AK5: variants seen among roughly 807,000 people sequenced by gnomAD.
The protein encoded by AK5 is adenylate kinase isoenzyme 5.
A neutral mutation model predicts 69.5 loss-of-function variants in AK5; 27 were observed. That is an observed-to-expected ratio of 0.39 (90% CI 0.29 to 0.54). The LOEUF (loss-of-function observed/expected upper bound fraction) is 0.54, where lower values mean the gene tolerates loss of function less well. AK5 is among the 20% of genes least tolerant of loss of function. AK5 has a pLI of 0.71. For missense variants in AK5, 531 were observed against 700.4 expected (o/e 0.76, Z 2.73); for synonymous variants, 260 against 244.4 (o/e 1.06, Z -0.60).
At chr1:77,360,642 TGTTTG>T (rs74986889) in intron 6 of AK5, among the ~76,000 whole-genome samples, 6,389 of 152,228 alleles carry the variant, frequency 0.042, 192 homozygotes, top group South Asian at 0.089. Context: ...TTTGTGTGCT[TGTTTG>T]GTTTGGTTTT....
chr1:77,457,073 G>C (rs933294149), intron 8 of AK5, among the ~76,000 whole-genome samples: 1 of 152,134 alleles, frequency 6.6e-6, no homozygotes, highest in African/African-American at 2.4e-5. Flanking sequence ...TTGAGCCACT[G>C]TCTTCTGCCT....
chr1:77,481,981 G>A (rs1473316669), intron 8 of AK5, among the ~76,000 whole-genome samples: 1 of 152,152 alleles, frequency 6.6e-6, no homozygotes, highest in Non-Finnish European at 1.5e-5. Context: ...TTGGTACTGA[G>A]AACATTCTGT....
At chr1:77,305,681 A>G (rs915851750) in intron 5 of AK5, among the ~76,000 whole-genome samples, 2 of 152,054 alleles carry the variant, frequency 1.3e-5, no homozygotes, top group South Asian at 2.1e-4. Context: ...TGGGTTCTCT[A>G]TTGTGTTTGA....
chr1:77,294,441 A>AT (rs375937380), intron 3 of AK5, among the ~76,000 whole-genome samples: 4 of 152,002 alleles, frequency 2.6e-5, no homozygotes, highest in African/African-American at 9.7e-5. Flanking sequence ...ACATGATGTG[A>AT]TTTTTCCCCC....
chr1:77,463,881 AC>A (rs1300343576), intron 8 of AK5, among the ~76,000 whole-genome samples: 1 of 152,118 alleles, frequency 6.6e-6, no homozygotes, highest in Non-Finnish European at 1.5e-5. Context: ...TCATCCAATC[AC>A]CTGTGGTCAG....
intron 8 of AK5, among the ~76,000 whole-genome samples, chr1:77,473,425 G>A (rs562221763): frequency 2.6e-5 from 4 of 151,752 alleles, no homozygotes; most frequent in South Asian, 2.1e-4. Context: ...CCTCCTACAC[G>A]GTCTAAGAAT....
intron 10 of AK5, among the ~76,000 whole-genome samples, chr1:77,515,723 C>G (rs529130370): frequency 6.6e-6 from 1 of 152,200 alleles, no homozygotes; most frequent in South Asian, 2.1e-4. Flanking sequence ...TGATCTGGAC[C>G]TAAGGGCTGA....
intron 6 of AK5, among the ~76,000 whole-genome samples, chr1:77,392,162 A>T (rs1648529402): frequency 6.6e-6 from 1 of 152,230 alleles, no homozygotes; most frequent in African/African-American, 2.4e-5. Context: ...TAAATTGATT[A>T]TGTTTAGGCC....
intron 10 of AK5, among the ~76,000 whole-genome samples, chr1:77,498,687 G>A (rs1656512070): frequency 6.6e-6 from 1 of 152,198 alleles, no homozygotes; most frequent in African/African-American, 2.4e-5. Context: ...GTCACTGTAG[G>A]TACTCTATGC....
intron 6 of AK5, among the ~76,000 whole-genome samples, chr1:77,387,860 CA>C (rs942615893): frequency 7.9e-5 from 12 of 152,168 alleles, no homozygotes; most frequent in Non-Finnish European, 1.2e-4. Flanking sequence ...ATTTGAAAAG[CA>C]AATAATCATC....
chr1:77,352,886 T>A (rs1662286633), intron 6 of AK5, among the ~76,000 whole-genome samples: 1 of 152,204 alleles, frequency 6.6e-6, no homozygotes, highest in South Asian at 2.1e-4. Flanking sequence ...AGTCTTAAGT[T>A]TCATTTTTTC....
chr1:77,527,798 G>A (rs755606386), intron 12 of AK5, among the ~76,000 whole-genome samples: 8 of 152,168 alleles, frequency 5.3e-5, no homozygotes, highest in Non-Finnish European at 1.0e-4. Flanking sequence ...GGTGGCTCAC[G>A]CCTGTAATCC....
chr1:77,361,736 G>A (rs1259638377), intron 6 of AK5, among the ~76,000 whole-genome samples: 1 of 152,152 alleles, frequency 6.6e-6, no homozygotes, highest in Non-Finnish European at 1.5e-5. Flanking sequence ...ATGACAGCAA[G>A]CAAAGAGAGC....
chr1:77,412,142 G>A (rs1019145636), intron 7 of AK5, among the ~76,000 whole-genome samples: 4 of 152,184 alleles, frequency 2.6e-5, no homozygotes, highest in Non-Finnish European at 5.9e-5. Context: ...AATACAGTGG[G>A]ATGGAGGGGC....
In AK5 at chr1:77,522,194, T is replaced by G. The variant is rs574425294; in HGVS notation, c.1428+251T>G. On this transcript the variant is annotated intron_variant, in intron 12 of 13. Coordinates refer to ENST00000354567, the MANE Select transcript of AK5 (RefSeq NM_174858.3). ...CATCAATTGTCTGACTCTCTCTCTCTCTCTCTAATTCTCTTTCCTTTGTGT... is the reference window on the plus strand; with the variant it reads ...CATCAATTGTCTGACTCTCTCTCTCGCTCTCTAATTCTCTTTCCTTTGTGT... 3.3e-5 allele frequency among the ~76,000 whole-genome samples: 5 copies of G among 152,286 alleles called. No homozygotes were observed. In the South Asian group the frequency reaches 8.3e-4, roughly 25 times the overall value.
intron 6 of AK5, among the ~76,000 whole-genome samples, chr1:77,368,667 CA>C (rs1307466705): frequency 6.6e-6 from 1 of 152,048 alleles, no homozygotes; most frequent in East Asian, 1.9e-4. Flanking sequence ...AGCTAAGCAG[CA>C]CAGTAGCATC....
intron 6 of AK5, chr1:77,340,861 G>A (rs1019694521): frequency 7.7e-6 from 2 of 260,034 alleles, no homozygotes; most frequent in African/African-American, 2.2e-5. Context: ...AACTGTCTGG[G>A]TGATTGTAAG....
At chr1:77,401,658 C>T (rs1046978331) in intron 6 of AK5, among the ~76,000 whole-genome samples, 1 of 152,048 alleles carries the variant, frequency 6.6e-6, no homozygotes, top group African/African-American at 2.4e-5. Context: ...TGTGGCAAGC[C>T]CTATCTCTAT....
intron 13 of AK5, among the ~76,000 whole-genome samples, chr1:77,550,649 G>A (rs925503074): frequency 9.2e-5 from 14 of 152,194 alleles, no homozygotes; most frequent in Admixed American, 2.0e-4. Context: ...AACTTTGAAA[G>A]CATTTAGTAA....
Sources: gnomAD v4.1 joint callset for allele counts (sites outside exome capture counted in the v4.1 genomes callset) on GRCh38, gnomAD v4.1.1 for gene constraint, MANE v1.5 for transcripts, NCBI Gene and HGNC (gene_info 2026-07-23, HGNC 2026-07-21) for gene names.